GABRG3: variants seen among roughly 807,000 people sequenced by gnomAD.
The protein encoded by GABRG3 is gamma-aminobutyric acid type A receptor subunit gamma3.
In GABRG3, 25 loss-of-function variants were observed where a neutral mutation model predicts 48.8. That is an observed-to-expected ratio of 0.51 (90% CI 0.37 to 0.72). The LOEUF (loss-of-function observed/expected upper bound fraction) is 0.72. GABRG3 is among the 30% of genes least tolerant of loss of function. GABRG3 has a pLI of 0.00. For missense variants in GABRG3, 394 were observed against 577.9 expected (o/e 0.68, Z 3.26); for synonymous variants, 227 against 217.6 (o/e 1.04, Z -0.38).
intron 5 of GABRG3, chr15:27,365,247 T>TA (rs1439150348): frequency 6.9e-6 from 1 of 144,138 alleles, no homozygotes; most frequent in Non-Finnish European, 1.5e-5. Flanking sequence ...AGACCTTATT[T>TA]AAATTTCACC....
intron 6 of GABRG3, among the ~76,000 whole-genome samples, chr15:27,502,372 C>A (rs1268771773): frequency 6.6e-6 from 1 of 152,112 alleles, no homozygotes; most frequent in African/African-American, 2.4e-5. Context: ...TATTCATTTG[C>A]CCCAGTGGTA....
At chr15:27,080,413 T>C (rs939375710) in intron 3 of GABRG3, among the ~76,000 whole-genome samples, 1 of 152,176 alleles carries the variant, frequency 6.6e-6, no homozygotes, top group African/African-American at 2.4e-5. Context: ...AGTGAGCCAC[T>C]CCAGCCTGGG....
In GABRG3 at chr15:27,171,507, C is replaced by CATATATATATATAT. The variant is rs57913193; in HGVS notation, c.270+144690_270+144703dup. Among the ~76,000 whole-genome samples, 809 of 144,314 alleles carry CATATATATATATAT rather than the reference C, an allele frequency of 5.6e-3. 4 individuals are homozygous for CATATATATATATAT. The highest frequency in any genetic ancestry group is 0.011 in the Middle Eastern group (3 of 270). 94.7% of individuals were successfully genotyped at this position (144,314 alleles called of 152,430 possible). ...AAATTGTGTGTGTGTGCATGTCTAACATATATATATATATATACATATACA... is the reference window on the plus strand; with the variant it reads ...AAATTGTGTGTGTGTGCATGTCTAACATATATATATATATATATATATATATATATACATATACA... On this transcript the variant is annotated intron_variant, in intron 3 of 9. Transcript: ENST00000615808.
intron 3 of GABRG3, among the ~76,000 whole-genome samples, chr15:27,133,634 A>G (rs1190717791): frequency 1.3e-5 from 2 of 152,212 alleles, no homozygotes; most frequent in Non-Finnish European, 2.9e-5. Context: ...TTGCTTTCTA[A>G]AATCCAAATA....
intron 3 of GABRG3, among the ~76,000 whole-genome samples, chr15:27,177,914 GA>G (rs1887797472): frequency 6.6e-6 from 1 of 152,118 alleles, no homozygotes. Flanking sequence ...TCAGAGGATG[GA>G]AAAATTACTA....
intron 5 of GABRG3, among the ~76,000 whole-genome samples, chr15:27,469,004 C>T (rs896618100): frequency 5.3e-5 from 8 of 152,150 alleles, no homozygotes; most frequent in African/African-American, 7.2e-5. Flanking sequence ...AATGTGTAGG[C>T]GGAAGATATA....
At chr15:27,017,672 G>A (rs894387237) in intron 2 of GABRG3, among the ~76,000 whole-genome samples, 4 of 152,204 alleles carry the variant, frequency 2.6e-5, no homozygotes, top group African/African-American at 9.7e-5. Context: ...GAGGCACTCT[G>A]GCACGTTGTG....
intron 3 of GABRG3, among the ~76,000 whole-genome samples, chr15:27,132,134 T>G (rs1461525221): frequency 6.6e-6 from 1 of 152,162 alleles, no homozygotes; most frequent in East Asian, 1.9e-4. Flanking sequence ...CTTTTTAGTT[T>G]GATGTAATCC....
At chr15:27,489,750 C>A (rs1595788576) in intron 6 of GABRG3, among the ~76,000 whole-genome samples, 1 of 152,018 alleles carries the variant, frequency 6.6e-6, no homozygotes, top group African/African-American at 2.4e-5. Context: ...AATTTAAGTT[C>A]TTTGTAGATT....
intron 5 of GABRG3, chr15:27,362,530 G>T (rs564234637): frequency 6.6e-6 from 1 of 152,302 alleles, no homozygotes; most frequent in African/African-American, 2.4e-5. Context: ...CAAAGGACTA[G>T]TTTTTAGCAA....
chr15:27,181,408 C>T (rs1887928448), intron 3 of GABRG3, among the ~76,000 whole-genome samples: 1 of 152,128 alleles, frequency 6.6e-6, no homozygotes, highest in South Asian at 2.1e-4. Context: ...AGATTTCTAT[C>T]CTAATACAAA....
At chr15:27,130,367 G>A (rs1382511279) in intron 3 of GABRG3, among the ~76,000 whole-genome samples, 3 of 151,972 alleles carry the variant, frequency 2.0e-5, no homozygotes, top group Admixed American at 2.0e-4. Context: ...ATATTTGTGT[G>A]GCTTTATTTC....
At chr15:27,161,380 C>T (rs208133) in intron 3 of GABRG3, 34,918 of 152,048 alleles carry the variant, frequency 0.23, 5,243 homozygotes, top group Non-Finnish European at 0.33. Context: ...TCTCCTTGCC[C>T]CCCAAGTTCC....
chr15:27,058,258 G>A (rs1007484133), intron 3 of GABRG3, among the ~76,000 whole-genome samples: 2 of 152,160 alleles, frequency 1.3e-5, no homozygotes, highest in Non-Finnish European at 2.9e-5. Context: ...TCCCATTTAC[G>A]GTGCATCTGA....
chr15:27,271,010 G>A (rs1595626943), intron 3 of GABRG3, among the ~76,000 whole-genome samples: 1 of 152,314 alleles, frequency 6.6e-6, no homozygotes, highest in East Asian at 1.9e-4. Context: ...TTCAACGGAT[G>A]AATTCAAGGT....
chr15:27,369,178 A>C (rs1253905656), intron 5 of GABRG3, among the ~76,000 whole-genome samples: 1 of 152,248 alleles, frequency 6.6e-6, no homozygotes, highest in Non-Finnish European at 1.5e-5. Flanking sequence ...TTTATCCAGC[A>C]TCAGTAGCTT....
intron 5 of GABRG3, among the ~76,000 whole-genome samples, chr15:27,332,323 G>C (rs1185718157): frequency 2.0e-5 from 3 of 152,178 alleles, no homozygotes; most frequent in Non-Finnish European, 2.9e-5. Flanking sequence ...AGACCAGCCT[G>C]GCCAATATGG....
intron 2 of GABRG3, among the ~76,000 whole-genome samples, chr15:27,014,221 C>G (rs957967437): frequency 6.6e-6 from 1 of 151,926 alleles, no homozygotes; most frequent in Non-Finnish European, 1.5e-5. Context: ...AGGGTTTATA[C>G]ATTTCATTGA....
chr15:27,036,758 G>C (rs1896186094), intron 3 of GABRG3, among the ~76,000 whole-genome samples: 1 of 152,122 alleles, frequency 6.6e-6, no homozygotes, highest in South Asian at 2.1e-4. Flanking sequence ...AGCCTTCCTT[G>C]ACCTCAGTTC....
Sources: gnomAD v4.1 joint callset for allele counts (sites outside exome capture counted in the v4.1 genomes callset) on GRCh38, gnomAD v4.1.1 for gene constraint, MANE v1.5 for transcripts, NCBI Gene and HGNC (gene_info 2026-07-23, HGNC 2026-07-21) for gene names.